INPP4B: variants seen among roughly 807,000 people sequenced by gnomAD.
The protein encoded by INPP4B is inositol polyphosphate-4-phosphatase type II B.
Under a neutral mutation model 122.5 loss-of-function variants are expected in INPP4B, and 55 were observed. The ratio of observed to expected loss-of-function variants is 0.45; its 90% CI spans 0.36 to 0.56. The LOEUF is 0.56. Ranked by LOEUF, INPP4B falls within the 20% of genes least tolerant of loss-of-function variation. INPP4B has a pLI of 0.00. For synonymous variants in INPP4B, 403 were observed against 388.7 expected (o/e 1.04, Z -0.43); for missense variants, 1,000 against 1,097.7 (o/e 0.91, Z 1.26).
At chr4:142,236,907 A>C (rs1451926599) in intron 12 of INPP4B, among the ~76,000 whole-genome samples, 1 of 152,192 alleles carries the variant, frequency 6.6e-6, no homozygotes, top group African/African-American at 2.4e-5. Context: ...TCAGCAATTA[A>C]AAAGTGTTAA....
chr4:142,685,437 T>C (rs1325420528), intron 2 of INPP4B, among the ~76,000 whole-genome samples: 4 of 152,094 alleles, frequency 2.6e-5, no homozygotes, highest in Non-Finnish European at 5.9e-5. Flanking sequence ...TTTTAGTGAC[T>C]TCCATGGGGC....
At chr4:142,622,168 C>G (rs555170246) in intron 2 of INPP4B, among the ~76,000 whole-genome samples, 148 of 152,016 alleles carry the variant, frequency 9.7e-4, no homozygotes, top group Non-Finnish European at 1.7e-3. Flanking sequence ...ACTAATCTCA[C>G]TGGACTCCCA....
chr4:142,579,886 GATAGATAGATAGATAGATAGA>G (rs1734684772), intron 2 of INPP4B, among the ~76,000 whole-genome samples: 2 of 131,914 alleles, frequency 1.5e-5, no homozygotes, highest in African/African-American at 2.8e-5. Flanking sequence ...TAGGTAGATA[GATAGATAGATAGATAGATAGA>G]TAGATAGATA....
intron 2 of INPP4B, among the ~76,000 whole-genome samples, chr4:142,624,297 T>C (rs1580535115): frequency 1.3e-5 from 2 of 151,788 alleles, no homozygotes; most frequent in South Asian, 4.2e-4. Context: ...GTGGTTTTGA[T>C]TTGCATTTCT....
intron 2 of INPP4B, among the ~76,000 whole-genome samples, chr4:142,677,909 C>T (rs1428287047): frequency 2.7e-5 from 4 of 147,326 alleles, no homozygotes; most frequent in Non-Finnish European, 6.0e-5. Flanking sequence ...GTTGATGGTG[C>T]AGCAAACCAC....
chr4:142,554,199 A>AG (rs1276443501), intron 2 of INPP4B, among the ~76,000 whole-genome samples: 2 of 145,674 alleles, frequency 1.4e-5, no homozygotes, highest in Admixed American at 7.1e-5. Flanking sequence ...AAAAAAAAAA[A>AG]AAAAAAGAAA....
chr4:142,676,880 T>C (rs569979119), intron 2 of INPP4B, among the ~76,000 whole-genome samples: 1 of 151,854 alleles, frequency 6.6e-6, no homozygotes, highest in South Asian at 2.1e-4. Flanking sequence ...CCTAAAACCA[T>C]AAAAAACCCT....
At chr4:142,118,042 A>G (rs1326289462) in intron 21 of INPP4B, among the ~76,000 whole-genome samples, 2 of 152,218 alleles carry the variant, frequency 1.3e-5, no homozygotes, top group Non-Finnish European at 2.9e-5. Context: ...TCCCATTCAC[A>G]GTTGCTTCAA....
At chr4:142,318,009 G>C (rs1003345325) in intron 7 of INPP4B, among the ~76,000 whole-genome samples, 1 of 152,094 alleles carries the variant, frequency 6.6e-6, no homozygotes, top group Non-Finnish European at 1.5e-5. Flanking sequence ...ATAGTAGAGT[G>C]GCATGATCAG....
chr4:142,333,585 T>C (rs1775503211), intron 7 of INPP4B, among the ~76,000 whole-genome samples: 1 of 152,232 alleles, frequency 6.6e-6, no homozygotes, highest in Non-Finnish European at 1.5e-5. Context: ...GACTTGTAGA[T>C]AAATATCATA....
At chr4:142,296,532 A>G (rs1382131082) in intron 9 of INPP4B, among the ~76,000 whole-genome samples, 3 of 152,222 alleles carry the variant, frequency 2.0e-5, no homozygotes, top group African/African-American at 7.2e-5. Flanking sequence ...AATAGCTAAC[A>G]TTTATCAAGA....
intron 18 of INPP4B, among the ~76,000 whole-genome samples, chr4:142,126,956 T>C (rs1440892698): frequency 6.6e-6 from 1 of 152,108 alleles, no homozygotes; most frequent in African/African-American, 2.4e-5. Context: ...CTTCAATAAA[T>C]TAACCCAGAT....
intron 3 of INPP4B, among the ~76,000 whole-genome samples, chr4:142,432,481 G>T (rs1809532512): frequency 6.6e-6 from 1 of 152,044 alleles, no homozygotes; most frequent in African/African-American, 2.4e-5. Context: ...ATACAATCAA[G>T]AATATTTCTG....
At chr4:142,373,022 A>G (rs1393404640) in intron 7 of INPP4B, among the ~76,000 whole-genome samples, 2 of 152,082 alleles carry the variant, frequency 1.3e-5, no homozygotes, top group Admixed American at 1.3e-4. Flanking sequence ...TGGACTTGAA[A>G]TACAGATGGT....
chr4:142,540,660 G>T (rs1043878676), intron 2 of INPP4B, among the ~76,000 whole-genome samples: 2 of 152,114 alleles, frequency 1.3e-5, no homozygotes, highest in African/African-American at 4.8e-5. Flanking sequence ...AATATGGATT[G>T]AACGTCTTTG....
intron 2 of INPP4B, among the ~76,000 whole-genome samples, chr4:142,604,771 C>T (rs1204722007): frequency 6.6e-6 from 1 of 151,900 alleles, no homozygotes; most frequent in East Asian, 1.9e-4. Context: ...GAAGGATTAA[C>T]ATTGTTGAAA....
intron 12 of INPP4B, among the ~76,000 whole-genome samples, chr4:142,214,848 C>A (rs376437573): frequency 6.6e-6 from 1 of 152,088 alleles, no homozygotes; most frequent in Admixed American, 6.5e-5. Flanking sequence ...CCACTGCGCC[C>A]GACCCAGCAC....
At chr4:142,605,245 T>C (rs1740989207) in intron 2 of INPP4B, among the ~76,000 whole-genome samples, 1 of 151,970 alleles carries the variant, frequency 6.6e-6, no homozygotes, top group Non-Finnish European at 1.5e-5. Flanking sequence ...TCTCACCATA[T>C]ACAAAAGTCA....
At position 142,660,435 on chromosome 4, in the gene INPP4B, A is replaced by G. The variant is rs1754964639; in HGVS notation, c.-191+65404T>C. Among the ~76,000 whole-genome samples, 3 of 152,002 alleles carry G rather than the reference A, an allele frequency of 2.0e-5. No individual in the cohort carries two copies. The South Asian group carries it at 6.2e-4, about 32-fold the overall frequency. ...TCCTGAACCCCTGGAACTCCTTTAAAAGGCATCTTCTTTTTATTCCTTTCT... is the reference window on the plus strand; with the variant it reads ...TCCTGAACCCCTGGAACTCCTTTAAGAGGCATCTTCTTTTTATTCCTTTCT... On this transcript the variant is annotated intron_variant, in intron 2 of 25. Coordinates refer to ENST00000262992, the MANE Select transcript of INPP4B (RefSeq NM_001101669.3).
Sources: allele counts gnomAD v4.1 joint callset (sites outside exome capture counted in the v4.1 genomes callset), GRCh38; gene constraint gnomAD v4.1.1; transcripts MANE v1.5; gene names NCBI Gene and HGNC (gene_info 2026-07-23, HGNC 2026-07-21).